The following OPCML variants were observed in gnomAD, a reference collection of about 807,000 sequenced individuals.
OPCML encodes opioid-binding protein/cell adhesion molecule.
OPCML carries 13 observed loss-of-function variants against 37.8 expected under a neutral mutation model. The ratio of observed to expected loss-of-function variants is 0.34; its 90% confidence interval spans 0.22 to 0.55. The LOEUF (loss-of-function observed/expected upper bound fraction) is 0.55, where lower values mean the gene tolerates loss of function less well. Among genes scored for constraint, OPCML ranks in the 20% least tolerant of loss-of-function variants. The pLI is 0.91. For synonymous variants in OPCML, 176 were observed against 168.8 expected, an observed-to-expected ratio of 1.04 and a Z score of -0.33; for missense variants, 341 against 435.6, an observed-to-expected ratio of 0.78 and a Z score of 1.93.
intron 1 of OPCML, among the ~76,000 whole-genome samples, chr11:133,010,400 C>T (rs994272239): frequency 3.3e-5 from 5 of 152,194 alleles, no homozygotes; most frequent in Non-Finnish European, 5.9e-5. Flanking sequence ...CAAGAGGAGG[C>T]AGCTTGGAAG....
chr11:132,490,253 C>G (rs144815139), intron 4 of OPCML, among the ~76,000 whole-genome samples: 38 of 152,006 alleles, frequency 2.5e-4, no homozygotes, highest in African/African-American at 9.2e-4. Flanking sequence ...TCAAGAGCAC[C>G]TTGAAAATAG....
At chr11:133,224,643 C>G (rs1939966347) in intron 1 of OPCML, among the ~76,000 whole-genome samples, 1 of 152,204 alleles carries the variant, frequency 6.6e-6, no homozygotes, top group African/African-American at 2.4e-5. Context: ...CTTCCCCAGG[C>G]CTGTGGTTTC....
chr11:133,323,492 A>T (rs931038359), intron 1 of OPCML, among the ~76,000 whole-genome samples: 1 of 152,206 alleles, frequency 6.6e-6, no homozygotes, highest in Non-Finnish European at 1.5e-5. Context: ...CCCAGAGAAA[A>T]GCAGCTGTCC....
chr11:133,387,870 T>A (rs1945089404), intron 1 of OPCML, among the ~76,000 whole-genome samples: 1 of 152,180 alleles, frequency 6.6e-6, no homozygotes, highest in South Asian at 2.1e-4. Flanking sequence ...CCTCTCAAGG[T>A]TACTTCGGCA....
At chr11:133,333,662 C>T (rs1307941738) in intron 1 of OPCML, among the ~76,000 whole-genome samples, 1 of 152,196 alleles carries the variant, frequency 6.6e-6, no homozygotes, top group East Asian at 1.9e-4. Context: ...AACTTAAGAG[C>T]TGCTGTGCAG....
chr11:132,808,268 C>T (rs541321682), intron 2 of OPCML, among the ~76,000 whole-genome samples: 1 of 152,262 alleles, frequency 6.6e-6, no homozygotes, highest in African/African-American at 2.4e-5. Flanking sequence ...CACTATAGCA[C>T]GGTGGGAATG....
At position 132,436,868 on chromosome 11, in the gene OPCML, C is replaced by A; in HGVS notation, c.644-89G>T. 2.0e-6 allele frequency: 3 copies of A among 1,527,490 alleles called. No homozygotes were observed. The South Asian group carries it at 3.7e-5, about 19-fold the overall frequency. The allele number at this position is 1,527,490 out of a possible 1,614,324, so 94.6% of individuals were successfully genotyped here. A position where few individuals can be genotyped will look rare whatever the true frequency, so the allele number is the denominator to read the frequency against. ...TGAAAGAGATGAAGGGCACATCCAGCCATTTGCTATGTAAATGGATTTCTT... is the reference window on the plus strand; with the variant it reads ...TGAAAGAGATGAAGGGCACATCCAGACATTTGCTATGTAAATGGATTTCTT... On this transcript the variant is annotated intron_variant, in intron 5 of 7. Coordinates refer to ENST00000524381, the MANE Select transcript of OPCML (RefSeq NM_001012393.5).
chr11:133,128,145 C>T (rs1195012775), intron 1 of OPCML, among the ~76,000 whole-genome samples: 3 of 152,120 alleles, frequency 2.0e-5, no homozygotes, highest in African/African-American at 7.2e-5. Flanking sequence ...TCTCCAGCAC[C>T]TCACAGTGAC....
intron 1 of OPCML, among the ~76,000 whole-genome samples, chr11:133,343,191 G>A (rs546000423): frequency 1.3e-5 from 2 of 151,998 alleles, no homozygotes; most frequent in Non-Finnish European, 2.9e-5. Flanking sequence ...TCTCCAGCAA[G>A]GTTCAGGATG....
intron 1 of OPCML, among the ~76,000 whole-genome samples, chr11:133,387,104 A>T (rs930803457): frequency 1.3e-5 from 2 of 152,144 alleles, no homozygotes; most frequent in African/African-American, 4.8e-5. Context: ...CCTCAAACAC[A>T]TGGCCAGGAA....
intron 4 of OPCML, among the ~76,000 whole-genome samples, chr11:132,517,998 G>A (rs1315676267): frequency 1.3e-5 from 2 of 152,042 alleles, no homozygotes; most frequent in Non-Finnish European, 2.9e-5. Context: ...TTACTTCCAA[G>A]CTCTCTTACT....
At chr11:133,257,358 C>G (rs577259236) in intron 1 of OPCML, among the ~76,000 whole-genome samples, 2 of 152,168 alleles carry the variant, frequency 1.3e-5, no homozygotes, top group Non-Finnish European at 2.9e-5. Flanking sequence ...AAAGGCAGCC[C>G]TGTGGGATGA....
rs150192711 is a variant in OPCML, at chr11:133,454,675, T to C, written c.61+77589A>G. On this transcript the variant is annotated intron_variant, in intron 1 of 7. Transcript: ENST00000524381. The stretch of plus-strand genomic sequence containing the variant: ...AAAAACAGAGTCTAGAAAGGGGAAA[T>C]AAGCAAATTATTAGTATTCTGACTA... Among the ~76,000 whole-genome samples, 1,030 of 152,236 alleles carry C rather than the reference T, an allele frequency of 6.8e-3. 18 individuals are homozygous for C. The highest frequency in any genetic ancestry group is 0.024 in the African/African-American group (999 of 41,558).
At chr11:132,758,415 A>T in intron 2 of OPCML, among the ~76,000 whole-genome samples, 1 of 152,204 alleles carries the variant, frequency 6.6e-6, no homozygotes, top group Admixed American at 6.5e-5. Context: ...TTTTCACAAT[A>T]TTGATTCTTC....
rs150869741 is a variant in OPCML, at chr11:132,592,502, C to T, written c.380-63316G>A. ...CTGGAATACTGGTGACTGTCCAGGCCCAGGCTTTGCCAAGACTTTGAGCTG... is the reference window on the plus strand; with the variant it reads ...CTGGAATACTGGTGACTGTCCAGGCTCAGGCTTTGCCAAGACTTTGAGCTG... On this transcript the variant is annotated intron_variant, in intron 3 of 7. Transcript: ENST00000524381. 8.0e-3 allele frequency among the ~76,000 whole-genome samples: 1,225 copies of T among 152,316 alleles called. 21 individuals are homozygous for T. The highest frequency in any genetic ancestry group is 0.027 in the African/African-American group (1,107 of 41,572).
intron 4 of OPCML, among the ~76,000 whole-genome samples, chr11:132,499,248 A>C: frequency 6.6e-6 from 1 of 152,332 alleles, no homozygotes; most frequent in South Asian, 2.1e-4. Context: ...GGCACCATGC[A>C]AAGAGCAGAG....
chr11:132,893,031 C>G (rs1265030378), intron 2 of OPCML, among the ~76,000 whole-genome samples: 1 of 152,160 alleles, frequency 6.6e-6, no homozygotes, highest in African/African-American at 2.4e-5. Flanking sequence ...CCTTCTCACT[C>G]ACATTTCACC....
intron 2 of OPCML, among the ~76,000 whole-genome samples, chr11:132,938,692 C>G (rs1372994936): frequency 6.6e-6 from 1 of 152,076 alleles, no homozygotes; most frequent in African/African-American, 2.4e-5. Flanking sequence ...AAGAATCAAC[C>G]CCAGGTGCCT....
intron 1 of OPCML, among the ~76,000 whole-genome samples, chr11:133,232,491 G>A (rs985510168): frequency 2.0e-5 from 3 of 152,014 alleles, no homozygotes; most frequent in Admixed American, 2.0e-4. Flanking sequence ...AGTCATGACA[G>A]TTATTAGGAC....
Sources: allele counts gnomAD v4.1 joint callset (sites outside exome capture counted in the v4.1 genomes callset), GRCh38; gene constraint gnomAD v4.1.1; transcripts MANE v1.5; gene names NCBI Gene and HGNC (gene_info 2026-07-23, HGNC 2026-07-21).